Variants in C3orf20 observed in about 807,000 individuals in gnomAD.
C3orf20 encodes uncharacterized protein C3orf20.
C3orf20 carries 76 observed loss-of-function variants against 88.3 expected under a neutral mutation model. That is an observed-to-expected ratio of 0.86 (90% CI 0.72 to 1.04). The LOEUF (loss-of-function observed/expected upper bound fraction) is 1.04, where lower values mean the gene tolerates loss of function less well. Among genes scored for constraint, C3orf20 ranks in the 50% least tolerant of loss-of-function variants. C3orf20 has a pLI of 0.00. For synonymous variants in C3orf20, 436 were observed against 437.4 expected, an observed-to-expected ratio of 1.00 and a Z score of 0.04; for missense variants, 1,056 against 1,123.3, an observed-to-expected ratio of 0.94 and a Z score of 0.86.
intron 15 of C3orf20, among the ~76,000 whole-genome samples, chr3:14,764,504 ATTATTGTTGTTGTTG>A (rs1017127025): frequency 1.3e-5 from 2 of 148,958 alleles, no homozygotes; most frequent in African/African-American, 5.1e-5. Flanking sequence ...TATTATTATT[ATTATTGTTGTTGTTG>A]TTGTTGTTGT....
chr3:14,713,643 T>C (rs2033830495), intron 7 of C3orf20, among the ~76,000 whole-genome samples: 2 of 152,202 alleles, frequency 1.3e-5, no homozygotes, highest in African/African-American at 4.8e-5. Context: ...GCACTTTGGA[T>C]TCCTCATCTA....
chr3:14,679,632 A>G (rs2031976341), intron 1 of C3orf20, among the ~76,000 whole-genome samples: 1 of 151,920 alleles, frequency 6.6e-6, no homozygotes, highest in South Asian at 2.1e-4. Flanking sequence ...GAAGGACTAG[A>G]GAGGTCAGCT....
chr3:14,772,764 C>T lies in C3orf20; in HGVS notation c.2631-27C>T. On this transcript the variant is annotated intron_variant, in intron 16 of 16. Coordinates refer to ENST00000253697, the MANE Select transcript of C3orf20 (RefSeq NM_032137.5). The surrounding 1 kb of genome is among the most constrained non-coding windows in gnomAD (Gnocchi z 4.2). ...GCACTGTGAAGAACAGCCCTTCCGC[C>T]TCCCGGCCCTCTATTTTGATCTTTA... 6.3e-7 allele frequency: 1 copy of T among 1,596,166 alleles called. No homozygotes were observed. Among genetic ancestry groups the T allele is most frequent in the Non-Finnish European group, 8.6e-7 (1 of 1,164,160 alleles).
Position 14,725,658 on chromosome 3 carries a change from A to G in C3orf20, c.1567-1243A>G, listed in dbSNP as rs145839282. On this transcript the variant is annotated intron_variant, in intron 10 of 16. Transcript: ENST00000253697. ...TTGCCATTTGTTGGGGACATCCTTT[A>G]TAGATTTCCTGCCTTCAGCATAAAG... Among the ~76,000 whole-genome samples the G allele has an allele frequency of 7.2e-5, 11 of 152,270 alleles. No homozygotes were observed. In the East Asian group the frequency reaches 2.1e-3, roughly 29 times the overall value.
chr3:14,726,877 G>A (rs940424765), intron 10 of C3orf20, 24 bp from the exon 11 acceptor site: 10 of 1,613,072 alleles, frequency 6.2e-6, no homozygotes, highest in African/African-American at 1.3e-5. Flanking sequence ...GGTGACACCC[G>A]CCCTCCCCTT....
intron 4 of C3orf20, among the ~76,000 whole-genome samples, chr3:14,687,152 A>G (rs2032479104): frequency 6.6e-6 from 1 of 152,218 alleles, no homozygotes; most frequent in African/African-American, 2.4e-5. Flanking sequence ...TAATTTTGCA[A>G]AAGGAAAACA....
Position 14,772,252 on chromosome 3 carries a change from C to T in C3orf20, c.2630+51C>T. On this transcript the variant is annotated intron_variant, in intron 16 of 16. Coordinates refer to ENST00000253697, the MANE Select transcript of C3orf20 (RefSeq NM_032137.5). This position sits in a 1 kb window ranked among gnomAD's most constrained non-coding sequence, Gnocchi z 4.2. ...ATGGGCGTGGCTCACAGCAGGCCAC[C>T]TCGGGGCTATTTGGCCTTGGGCAAG... The T allele has an allele frequency of 6.2e-7, 1 of 1,612,596 alleles. No homozygotes were observed. The highest frequency in any genetic ancestry group is 8.5e-7 in the Non-Finnish European group (1 of 1,179,100).
intron 15 of C3orf20, among the ~76,000 whole-genome samples, chr3:14,769,849 G>A (rs1011066262): frequency 1.3e-5 from 2 of 152,148 alleles, no homozygotes; most frequent in South Asian, 2.1e-4. Context: ...CTGCTGGGAC[G>A]GAGGGGCTGG....
chr3:14,759,748 C>T lies in C3orf20; in HGVS notation c.2245-143C>T, dbSNP rs79500223. ...GGAGGTGTGCATGCAGGCCCAAGGG[C>T]CCCTGGAGCAGGAGGAGTTGGGGAG... On this transcript the variant is annotated intron_variant, in intron 13 of 16. Coordinates refer to ENST00000253697, the MANE Select transcript of C3orf20 (RefSeq NM_032137.5). The T allele has an allele frequency of 2.6e-3, 1,769 of 673,540 alleles. 28 individuals are homozygous for T. The African/African-American group carries it at 0.028, about 11-fold the overall frequency. The allele number at this position is 673,540 out of a possible 1,614,324, so 41.7% of individuals were successfully genotyped here.
intron 12 of C3orf20, among the ~76,000 whole-genome samples, chr3:14,733,228 A>G (rs1456010812): frequency 6.6e-6 from 1 of 152,162 alleles, no homozygotes; most frequent in Non-Finnish European, 1.5e-5. Flanking sequence ...ACAAGCATAC[A>G]ATTTTCCTCC....
intron 12 of C3orf20, among the ~76,000 whole-genome samples, chr3:14,753,261 T>G (rs2035269417): frequency 6.6e-6 from 1 of 152,172 alleles, no homozygotes; most frequent in Non-Finnish European, 1.5e-5. Flanking sequence ...CACCACATGT[T>G]GTCACTCATA....
At chr3:14,684,625 T>C (rs1303842878) in intron 4 of C3orf20, among the ~76,000 whole-genome samples, 1 of 152,174 alleles carries the variant, frequency 6.6e-6, no homozygotes, top group African/African-American at 2.4e-5. Flanking sequence ...CAGCTCCTCT[T>C]AGAGGTCATT....
chr3:14,762,256 T>A (rs1257203280), intron 15 of C3orf20, among the ~76,000 whole-genome samples: 1 of 152,216 alleles, frequency 6.6e-6, no homozygotes, highest in Non-Finnish European at 1.5e-5. Context: ...AAATGCTGGC[T>A]TAAGTCTGCC....
chr3:14,767,166 C>G (rs933271576), intron 15 of C3orf20: 2 of 152,502 alleles, frequency 1.3e-5, no homozygotes, highest in Non-Finnish European at 2.9e-5. Flanking sequence ...ATGTGCCAGA[C>G]CTGGTGTCCT....
intron 5 of C3orf20, among the ~76,000 whole-genome samples, chr3:14,691,229 G>A (rs1258660657): frequency 3.3e-5 from 5 of 152,162 alleles, no homozygotes; most frequent in Non-Finnish European, 7.3e-5. Flanking sequence ...CTTCCTGACT[G>A]CTCTACCTGT....
chr3:14,767,379 A>G (rs888697908), intron 15 of C3orf20: 1 of 152,140 alleles, frequency 6.6e-6, no homozygotes, highest in Admixed American at 6.5e-5. Context: ...TAGAGAAGGG[A>G]AAGTGGAGGC....
chr3:14,730,275 C>T (rs1469977093), intron 12 of C3orf20, among the ~76,000 whole-genome samples: 1 of 152,204 alleles, frequency 6.6e-6, no homozygotes, highest in East Asian at 1.9e-4. Flanking sequence ...AGGCCGGGTG[C>T]GGTGGCCCAC....
rs2032292566 is a variant in C3orf20, at chr3:14,684,495, G to A, written c.625+113G>A. The A allele has an allele frequency of 5.2e-6, 7 of 1,357,662 alleles. No individual in the cohort carries two copies. In the South Asian group the frequency reaches 7.1e-5, roughly 14 times the overall value. 84.1% of individuals were successfully genotyped at this position (1,357,662 alleles called of 1,614,324 possible). On this transcript the variant is annotated intron_variant, in intron 4 of 16. Transcript: ENST00000253697. ...GTTTGACATTTCCAAGAATTGAGGT[G>A]GATGTGGAGCAACAGGGATTTTCAA...
At chr3:14,692,036 C>A (rs1208231318) in intron 5 of C3orf20, among the ~76,000 whole-genome samples, 3 of 152,166 alleles carry the variant, frequency 2.0e-5, no homozygotes, top group African/African-American at 7.2e-5. Context: ...ACATAATGAT[C>A]TCCAGTTTCA....
Sources: gnomAD v4.1 joint callset for allele counts (sites outside exome capture counted in the v4.1 genomes callset) on GRCh38, gnomAD v4.1.1 for gene constraint, Gnocchi (gnomAD v3.1) non-coding constraint, MANE v1.5 for transcripts, NCBI Gene and HGNC (gene_info 2026-07-23, HGNC 2026-07-21) for gene names.